Variants in LIN7A observed in about 807,000 individuals in gnomAD.
The protein encoded by LIN7A is lin-7 cell polarity scaffold A.
In LIN7A, 25 loss-of-function variants were observed where a neutral mutation model predicts 29.8. The ratio of observed to expected loss-of-function variants is 0.84; its 90% confidence interval spans 0.61 to 1.17. LIN7A has a LOEUF of 1.17. LIN7A is among the 50% of genes most tolerant of loss of function. LIN7A has a pLI of 0.00. For missense variants in LIN7A, 239 were observed against 287.0 expected, an observed-to-expected ratio of 0.83 and a Z score of 1.21; for synonymous variants, 118 against 107.5, an observed-to-expected ratio of 1.10 and a Z score of -0.60.
At chr12:80,857,927 G>A (rs961772508) in intron 2 of LIN7A, among the ~76,000 whole-genome samples, 5 of 152,142 alleles carry the variant, frequency 3.3e-5, no homozygotes, top group Non-Finnish European at 2.9e-5. Context: ...AGTAAAGGAT[G>A]GGGAGACCCT....
intron 1 of LIN7A, among the ~76,000 whole-genome samples, chr12:80,902,217 G>GTTTT (rs11410643): frequency 1.2e-4 from 15 of 125,638 alleles, no homozygotes; most frequent in African/African-American, 3.4e-4. Context: ...TGGTCTATGT[G>GTTTT]TTTTTTTTTT....
chr12:80,879,567 C>T (rs1818731), intron 2 of LIN7A, among the ~76,000 whole-genome samples: 36,873 of 137,056 alleles, frequency 0.27, 5,493 homozygotes, highest in East Asian at 0.34. Flanking sequence ...TTTTATTTGG[C>T]TTAGTAAGAA....
At chr12:80,926,559 A>G (rs1435741571) in intron 1 of LIN7A, among the ~76,000 whole-genome samples, 1 of 152,162 alleles carries the variant, frequency 6.6e-6, no homozygotes, top group African/African-American at 2.4e-5. Flanking sequence ...GACAGTTTCT[A>G]TTTAATATTT....
In LIN7A at chr12:80,811,616, A is replaced by G. The variant is rs1289528783; in HGVS notation, c.551T>C (p.Leu184Pro). Residue 184 changes from leucine (L) to proline (P), a missense_variant, in exon 5 of 6, where the codon CTG (leucine) becomes CCG (proline). By Grantham distance (98) the Leu-to-Pro change is moderately conservative. Transcript: ENST00000552864. ...AACTTTTGGGGTGTATCGCACCACCAGCTTGACGCTGTCTTTAGCAGCCTT... is the reference window on the plus strand; with the variant it reads ...AACTTTTGGGGTGTATCGCACCACCGGCTTGACGCTGTCTTTAGCAGCCTT... ...LLKAAKDSVK[L>P]VVRYTPKVLE... The G allele has an allele frequency of 6.2e-7, 1 of 1,614,024 alleles. No individual in the cohort carries two copies. Among genetic ancestry groups the G allele is most frequent in the African/African-American group, 1.3e-5 (1 of 74,902 alleles).
chr12:80,834,652 T>C (rs1307525500), intron 4 of LIN7A, among the ~76,000 whole-genome samples: 1 of 152,232 alleles, frequency 6.6e-6, no homozygotes, highest in Non-Finnish European at 1.5e-5. Context: ...TTCCCATATC[T>C]GAGACTCAGC....
At chr12:80,828,865 A>G (rs1347451395) in intron 4 of LIN7A, among the ~76,000 whole-genome samples, 6 of 152,132 alleles carry the variant, frequency 3.9e-5, no homozygotes, top group African/African-American at 1.4e-4. Flanking sequence ...ATGCATGCTC[A>G]CTACAATGGT....
intron 1 of LIN7A, among the ~76,000 whole-genome samples, chr12:80,917,406 T>C (rs1877080717): frequency 6.6e-6 from 1 of 152,214 alleles, no homozygotes; most frequent in Non-Finnish European, 1.5e-5. Context: ...CTGGCTGTTT[T>C]AATACTTAAC....
At chr12:80,835,907 A>G (rs1285955926) in intron 4 of LIN7A, among the ~76,000 whole-genome samples, 1 of 152,196 alleles carries the variant, frequency 6.6e-6, no homozygotes, top group East Asian at 1.9e-4. Context: ...AAAAAAAGGG[A>G]AAATTGCTCT....
chr12:80,834,690 A>G (rs1043048816), intron 4 of LIN7A, among the ~76,000 whole-genome samples: 1 of 152,228 alleles, frequency 6.6e-6, no homozygotes, highest in Non-Finnish European at 1.5e-5. Flanking sequence ...AAGTTTGGTT[A>G]TCTCACATGA....
intron 1 of LIN7A, among the ~76,000 whole-genome samples, chr12:80,921,838 G>A (rs956874323): frequency 2.6e-5 from 4 of 152,168 alleles, no homozygotes; most frequent in African/African-American, 9.7e-5. Flanking sequence ...AGAAATTAAT[G>A]TCTGCCTGGT....
At chr12:80,909,776 T>C (rs1876662463) in intron 1 of LIN7A, among the ~76,000 whole-genome samples, 1 of 152,080 alleles carries the variant, frequency 6.6e-6, no homozygotes, top group Non-Finnish European at 1.5e-5. Context: ...ATAACACCTT[T>C]CAACTTTGCT....
chr12:80,845,805 G>T lies in LIN7A; in HGVS notation c.408C>A (p.Arg136=), dbSNP rs765251435. Residue 136 remains arginine (R), a synonymous_variant, in exon 4 of 6, where the codon CGC becomes CGA. Coordinates refer to ENST00000552864, the MANE Select transcript of LIN7A (RefSeq NM_004664.4). ...TTTCAGCCACCCCTCCAGGAATTAT[G>T]CGAGAGATATAAATGGGGGAATTTT... ...KEQNSPIYIS[R]IIPGGVAERH... 1 of 1,613,960 alleles carries T rather than the reference G, an allele frequency of 6.2e-7. No individual in the cohort carries two copies. The highest frequency in any genetic ancestry group is 1.1e-5 in the South Asian group (1 of 91,052).
chr12:80,834,562 G>T (rs1872526260), intron 4 of LIN7A, among the ~76,000 whole-genome samples: 2 of 152,152 alleles, frequency 1.3e-5, no homozygotes, highest in Non-Finnish European at 2.9e-5. Flanking sequence ...TGATTCATTT[G>T]CAAATTTATT....
intron 1 of LIN7A, among the ~76,000 whole-genome samples, chr12:80,930,882 C>A (rs926759729): frequency 6.6e-6 from 1 of 152,154 alleles, no homozygotes; most frequent in Non-Finnish European, 1.5e-5. Context: ...CTTGCTAAGC[C>A]AATTTTATTC....
At position 80,937,697 on chromosome 12, in the gene LIN7A, G is replaced by A. The variant is rs767548485; in HGVS notation, c.26C>T (p.Ala9Val). Residue 9 changes from alanine to valine, a missense_variant, in exon 1 of 6, where the codon GCT (alanine) becomes GTT (valine). Physicochemically the swap from Ala to Val is moderately conservative, Grantham distance 64. Coordinates refer to ENST00000552864, the MANE Select transcript of LIN7A (RefSeq NM_004664.4). ...CAATGTCGCCATGTCTGCCGTGGGAGCCGAAGTGACGCTCGGCTTCAGCAT... is the reference window on the plus strand; with the variant it reads ...CAATGTCGCCATGTCTGCCGTGGGAACCGAAGTGACGCTCGGCTTCAGCAT... MLKPSVTSAPTADMATLTV... is the reference protein window; with the variant it reads MLKPSVTSVPTADMATLTV... 6.4e-7 allele frequency: 1 copy of A among 1,550,704 alleles called. No homozygotes were observed. The highest frequency in any genetic ancestry group is 8.8e-7 in the Non-Finnish European group (1 of 1,142,684).
At chr12:80,798,774 C>T (rs971015921) in intron 5 of LIN7A, among the ~76,000 whole-genome samples, 1 of 148,846 alleles carries the variant, frequency 6.7e-6, no homozygotes, top group Non-Finnish European at 1.5e-5. Flanking sequence ...GACCAGAGAT[C>T]TAGACTGAGT....
chr12:80,803,484 A>G (rs1870818836), intron 5 of LIN7A, among the ~76,000 whole-genome samples: 1 of 152,124 alleles, frequency 6.6e-6, no homozygotes, highest in African/African-American at 2.4e-5. Context: ...CCATTGGTCT[A>G]TGTGTCTGTC....
chr12:80,813,090 A>C (rs1871368623), intron 4 of LIN7A, among the ~76,000 whole-genome samples: 2 of 151,172 alleles, frequency 1.3e-5, no homozygotes, highest in Admixed American at 1.3e-4. Context: ...GGCTCACTGC[A>C]AGCTCCGCCT....
chr12:80,813,067 A>G (rs1278069231), intron 4 of LIN7A, among the ~76,000 whole-genome samples: 2 of 151,888 alleles, frequency 1.3e-5, no homozygotes, highest in South Asian at 2.1e-4. Context: ...CTAGAGTGCA[A>G]TGGCGCGATC....
Sources: allele counts gnomAD v4.1 joint callset (sites outside exome capture counted in the v4.1 genomes callset), GRCh38; gene constraint gnomAD v4.1.1; transcripts MANE v1.5; gene names NCBI Gene and HGNC (gene_info 2026-07-23, HGNC 2026-07-21).